HES5: variants seen among roughly 807,000 people sequenced by gnomAD.
The protein encoded by HES5 is transcription factor HES-5.
In HES5, 12 loss-of-function variants were observed where a neutral mutation model predicts 9.6. That is an observed-to-expected ratio of 1.25 (90% confidence interval 0.80 to 2.03). The LOEUF (loss-of-function observed/expected upper bound fraction) is 2.03, where lower values mean the gene tolerates loss of function less well. HES5 is among the 30% of genes most tolerant of loss of function. HES5 has a pLI of 0.00. For missense variants in HES5, 255 were observed against 218.6 expected, an observed-to-expected ratio of 1.17 and a Z score of -1.05; for synonymous variants, 131 against 102.4, an observed-to-expected ratio of 1.28 and a Z score of -1.69.
chr1:2,530,103 G>A lies in HES5; in HGVS notation c.54+8C>T, dbSNP rs374060024. Reference sequence around the variant, plus strand: ...GGGGACAGCGCGCCGGGCGAGTCTGGTACTTACTCGGTTTTTCTCTTTGGG... The same window carrying A: ...GGGGACAGCGCGCCGGGCGAGTCTGATACTTACTCGGTTTTTCTCTTTGGG... On this transcript the variant is annotated splice_region_variant and intron_variant, in intron 1 of 2. Transcript: ENST00000378453. 107 of 1,581,998 alleles carry A rather than the reference G, an allele frequency of 6.8e-5. No homozygotes were observed. Among genetic ancestry groups the A allele is most frequent in the Non-Finnish European group, 8.2e-5 (95 of 1,164,822 alleles).
Position 2,529,583 on chromosome 1 carries a change from G to A in HES5, c.387C>T (p.Pro129=), listed in dbSNP as rs1364268229. Residue 129 remains proline, a synonymous_variant, in exon 3 of 3, where the codon CCC becomes CCT. Coordinates refer to ENST00000378453, the MANE Select transcript of HES5 (RefSeq NM_001010926.4). This position sits in a 1 kb window ranked among gnomAD's most constrained non-coding sequence, Gnocchi z 4.5. ...CGCCCGGCGCCTTGGGCTCCTTGGCGGGCGCGGCGGGCGCGGCCGGGGGCC... is the reference window on the plus strand; with the variant it reads ...CGCCCGGCGCCTTGGGCTCCTTGGCAGGCGCGGCGGGCGCGGCCGGGGGCC... ...FQRPPAAPAA[P]AKEPKAPGAA... 1.4e-5 allele frequency: 16 copies of A among 1,150,812 alleles called. No individual in the cohort carries two copies. The East Asian group carries it at 7.3e-4, about 53-fold the overall frequency. 71.3% of individuals were successfully genotyped at this position (1,150,812 alleles called of 1,614,324 possible).
rs559739405 is a variant in HES5 at position 2,529,505 on chromosome 1, C to CGCGGCGGCG, written c.456_464dup (p.Ala153_Ala155dup). On this transcript the variant is annotated inframe_insertion, in exon 3 of 3. Coordinates refer to ENST00000378453, the MANE Select transcript of HES5 (RefSeq NM_001010926.4). This position sits in a 1 kb window ranked among gnomAD's most constrained non-coding sequence, Gnocchi z 4.5. ...GCCAGAGGCCGCAGGCGGGCTGGTG[C>CGCGGCGGCG]GCGGCGGCGGCGGCGGCGGTGGCCT... The CGCGGCGGCG allele has an allele frequency of 6.0e-5, 63 of 1,056,210 alleles. No individual in the cohort carries two copies. The highest frequency in any genetic ancestry group is 6.4e-5 in the Non-Finnish European group (56 of 876,686). 65.4% of individuals were successfully genotyped at this position (1,056,210 alleles called of 1,614,324 possible). A position where few individuals can be genotyped will look rare whatever the true frequency, so the allele number is the denominator to read the frequency against.
Position 2,529,619 on chromosome 1 carries a change from G to A in HES5, c.351C>T (p.Tyr117=). The A allele has an allele frequency of 7.7e-7, 1 of 1,292,432 alleles. No individual in the cohort carries two copies. Among genetic ancestry groups the A allele is most frequent in the Non-Finnish European group, 1.0e-6 (1 of 1,000,612 alleles). The allele number at this position is 1,292,432 out of a possible 1,614,324, so 80.1% of individuals were successfully genotyped here. A position where few individuals can be genotyped will look rare whatever the true frequency, so the allele number is the denominator to read the frequency against. Residue 117 remains tyrosine (Y), a synonymous_variant, in exon 3 of 3, where the codon TAC becomes TAT. Coordinates refer to ENST00000378453, the MANE Select transcript of HES5 (RefSeq NM_001010926.4). The surrounding 1 kb of genome is among the most constrained non-coding windows in gnomAD (Gnocchi z 4.5). ...GCGCGGCCGGGGGCCGCTGGAAGTG[G>A]TACAGCAGCTTCATCTGCGTGTCGC... ...AASDTQMKLL[Y]HFQRPPAAPA...
In HES5 at chr1:2,529,458, G is replaced by T. The variant is rs911724303; in HGVS notation, c.*11C>A. Reference sequence around the variant, plus strand: ...TGGTCGTCGGGCCGCGCGCCCGCAGGTCCCGCCGGGTCACCAGGGCCGCCA... The same window carrying T: ...TGGTCGTCGGGCCGCGCGCCCGCAGTTCCCGCCGGGTCACCAGGGCCGCCA... On this transcript the variant is annotated 3_prime_UTR_variant, in exon 3 of 3. Coordinates refer to ENST00000378453, the MANE Select transcript of HES5 (RefSeq NM_001010926.4). This position sits in a 1 kb window ranked among gnomAD's most constrained non-coding sequence, Gnocchi z 4.5. The T allele has an allele frequency of 2.8e-6, 3 of 1,063,056 alleles. No homozygotes were observed. Among genetic ancestry groups the T allele is most frequent in the African/African-American group, 3.4e-5 (2 of 58,964 alleles). 65.9% of individuals were successfully genotyped at this position (1,063,056 alleles called of 1,614,324 possible).
chr1:2,529,910 G>A lies in HES5; in HGVS notation c.156C>T (p.Pro52=), dbSNP rs774758190. ...LLEQEFARHQ[P]NSKLEKADIL... ...TGTCGGCCTTCTCCAGCTTGGAGTTGGGCTGGTGCCGCGCGAACTCCTGCT... is the reference window on the plus strand; with the variant it reads ...TGTCGGCCTTCTCCAGCTTGGAGTTAGGCTGGTGCCGCGCGAACTCCTGCT... Residue 52 remains proline, a synonymous_variant, in exon 2 of 3, where the codon CCC becomes CCT. Coordinates refer to ENST00000378453, the MANE Select transcript of HES5 (RefSeq NM_001010926.4). The surrounding 1 kb of genome is among the most constrained non-coding windows in gnomAD (Gnocchi z 4.5). The A allele has an allele frequency of 6.2e-7, 1 of 1,606,822 alleles. No individual in the cohort carries two copies. The highest frequency in any genetic ancestry group is 1.1e-5 in the South Asian group (1 of 89,956).
intron 1 of HES5, 36 bp from the exon 2 acceptor site, chr1:2,530,047 G>A (rs377674086): frequency 3.7e-6 from 6 of 1,601,898 alleles, no homozygotes; most frequent in Non-Finnish European, 5.1e-6. Flanking sequence ...GGCCCGGCAC[G>A]GCGCAGGGAC....
Position 2,529,984 on chromosome 1 carries a change from G to T in HES5, c.82C>A (p.Arg28Ser), listed in dbSNP as rs1333359977. Reference protein sequence around the residue: ...RLRKPVVEKMRRDRINSSIEQ... With the variant: ...RLRKPVVEKMSRDRINSSIEQ... ...ATGCTGCTGTTGATGCGGTCGCGGCGCATCTTCTCCACCACCGGCTTCCGC... is the reference window on the plus strand; with the variant it reads ...ATGCTGCTGTTGATGCGGTCGCGGCTCATCTTCTCCACCACCGGCTTCCGC... Residue 28 changes from arginine to serine, a missense_variant, in exon 2 of 3, where the codon CGC becomes AGC. Arg to Ser is a moderately radical substitution (Grantham distance 110). Transcript: ENST00000378453. The surrounding 1 kb of genome is among the most constrained non-coding windows in gnomAD (Gnocchi z 4.5). 6.2e-7 allele frequency: 1 copy of T among 1,607,910 alleles called. No homozygotes were observed. Among genetic ancestry groups the T allele is most frequent in the Non-Finnish European group, 8.5e-7 (1 of 1,176,914 alleles).
At position 2,530,022 on chromosome 1, in the gene HES5, AG is replaced by A. The variant is rs766093753; in HGVS notation, c.55-12del. On this transcript the variant is annotated splice_polypyrimidine_tract_variant and intron_variant, in intron 1 of 2. Coordinates refer to ENST00000378453, the MANE Select transcript of HES5 (RefSeq NM_001010926.4). ...CACCGGCTTCCGCAGCTGCGGGAGG[AG>A]GGGGTGTCAGGCTGGCCCGGCACGG... 73 of 1,601,892 alleles carry A rather than the reference AG, an allele frequency of 4.6e-5. No homozygotes were observed. The highest frequency in any genetic ancestry group is 5.9e-5 in the Non-Finnish European group (69 of 1,173,516).
chr1:2,530,044 C>T (rs748397118), intron 1 of HES5, 33 bp from the exon 2 acceptor site: 24 of 1,602,306 alleles, frequency 1.5e-5, no homozygotes, highest in African/African-American at 2.7e-5. Flanking sequence ...GCTGGCCCGG[C>T]ACGGCGCAGG....
In HES5 at chr1:2,529,812, G is replaced by C. The variant is rs1570561299; in HGVS notation, c.220+34C>G. The C allele has an allele frequency of 7.4e-7, 1 of 1,357,150 alleles. No individual in the cohort carries two copies. Among genetic ancestry groups the C allele is most frequent in the Non-Finnish European group, 9.6e-7 (1 of 1,039,528 alleles). The allele number at this position is 1,357,150 out of a possible 1,614,324, so 84.1% of individuals were successfully genotyped here. Reference sequence around the variant, plus strand: ...GCGCGGGGGAGCCGGGGCGCGGTGGGAACTCGGGGCGCGGGGGGCCCGGGC... The same window carrying C: ...GCGCGGGGGAGCCGGGGCGCGGTGGCAACTCGGGGCGCGGGGGGCCCGGGC... On this transcript the variant is annotated intron_variant, in intron 2 of 2. Transcript: ENST00000378453. This position sits in a 1 kb window ranked among gnomAD's most constrained non-coding sequence, Gnocchi z 4.5.
chr1:2,529,661 C>A lies in HES5; in HGVS notation c.309G>T (p.Leu103=). ...SWCLQEAVQF[L]TLHAASDTQM... The stretch of plus-strand genomic sequence containing the variant: ...GCGTGTCGCTGGCGGCGTGGAGCGT[C>A]AGGAACTGCACGGCCTCCTGCAGGC... The change falls in exon 3 of 3, where the codon CTG becomes CTT. Residue 103 remains leucine, a synonymous_variant. Transcript: ENST00000378453. This position sits in a 1 kb window ranked among gnomAD's most constrained non-coding sequence, Gnocchi z 4.5. The A allele has an allele frequency of 1.5e-6, 2 of 1,325,914 alleles. No individual in the cohort carries two copies. Among genetic ancestry groups the A allele is most frequent in the Non-Finnish European group, 2.0e-6 (2 of 1,019,832 alleles). The allele number at this position is 1,325,914 out of a possible 1,614,324, so 82.1% of individuals were successfully genotyped here.
At position 2,529,793 on chromosome 1, in the gene HES5, G is replaced by C. The variant is rs1213198965; in HGVS notation, c.221-44C>G. 1 of 1,283,526 alleles carries C rather than the reference G, an allele frequency of 7.8e-7. No homozygotes were observed. The highest frequency in any genetic ancestry group is 3.7e-5 in the Admixed American group (1 of 26,668). 79.5% of individuals were successfully genotyped at this position (1,283,526 alleles called of 1,614,324 possible). ...GCGGTGAGCGGGCGGCGGGGCGCGG[G>C]GGAGCCGGGGCGCGGTGGGAACTCG... On this transcript the variant is annotated intron_variant, in intron 2 of 2. Transcript: ENST00000378453. This position sits in a 1 kb window ranked among gnomAD's most constrained non-coding sequence, Gnocchi z 4.5.
Position 2,529,670 on chromosome 1 carries a change from C to T in HES5, c.300G>A (p.Val100=). The T allele has an allele frequency of 7.5e-7, 1 of 1,324,938 alleles. No individual in the cohort carries two copies. Among genetic ancestry groups the T allele is most frequent in the Non-Finnish European group, 9.8e-7 (1 of 1,019,878 alleles). The allele number at this position is 1,324,938 out of a possible 1,614,324, so 82.1% of individuals were successfully genotyped here. A position where few individuals can be genotyped will look rare whatever the true frequency, so the allele number is the denominator to read the frequency against. ...EGYSWCLQEA[V]QFLTLHAASD... is the part of the protein sequence containing the mutation. The stretch of plus-strand genomic sequence containing the variant: ...TGGCGGCGTGGAGCGTCAGGAACTG[C>T]ACGGCCTCCTGCAGGCACCACGAGT... The change falls in exon 3 of 3, where the codon GTG becomes GTA. Residue 100 remains valine, a synonymous_variant. Coordinates refer to ENST00000378453, the MANE Select transcript of HES5 (RefSeq NM_001010926.4). The surrounding 1 kb of genome is among the most constrained non-coding windows in gnomAD (Gnocchi z 4.5).
In HES5 at chr1:2,529,375, G is replaced by C. The variant is rs773599401; in HGVS notation, c.*94C>G. 3 of 992,714 alleles carry C rather than the reference G, an allele frequency of 3.0e-6. No homozygotes were observed. The highest frequency in any genetic ancestry group is 1.7e-5 in the African/African-American group (1 of 57,358). 61.5% of individuals were successfully genotyped at this position (992,714 alleles called of 1,614,324 possible). ...TCCGGAGAAGGGCGCGTCCAAGCCC[G>C]GGGCGGACGACGGCGGGAAGGCGCT... On this transcript the variant is annotated 3_prime_UTR_variant, in exon 3 of 3. Coordinates refer to ENST00000378453, the MANE Select transcript of HES5 (RefSeq NM_001010926.4). This position sits in a 1 kb window ranked among gnomAD's most constrained non-coding sequence, Gnocchi z 4.5.
At position 2,529,872 on chromosome 1, in the gene HES5, G is replaced by A; in HGVS notation, c.194C>T (p.Ala65Val). ...TTTGCTGTGCTTCAGGTAGCTGACAGCCATCTCCAGGATGTCGGCCTTCTC... is the reference window on the plus strand; with the variant it reads ...TTTGCTGTGCTTCAGGTAGCTGACAACCATCTCCAGGATGTCGGCCTTCTC... ...KLEKADILEM[A>V]VSYLKHSKAF... Residue 65 changes from alanine to valine, a missense_variant, in exon 2 of 3, where the codon GCT (alanine) becomes GTT (valine). Physicochemically the swap from Ala to Val is moderately conservative, Grantham distance 64 (BLOSUM62 0). Transcript: ENST00000378453. This position sits in a 1 kb window ranked among gnomAD's most constrained non-coding sequence, Gnocchi z 4.5. 6.3e-7 allele frequency: 1 copy of A among 1,598,928 alleles called. No individual in the cohort carries two copies. The highest frequency in any genetic ancestry group is 1.1e-5 in the South Asian group (1 of 88,762).
In HES5 at chr1:2,530,108, T is replaced by C. The variant is rs377502240; in HGVS notation, c.54+3A>G. ...CAGCGCGCCGGGCGAGTCTGGTACT[T>C]ACTCGGTTTTTCTCTTTGGGGCTGA... On this transcript the variant is annotated splice_donor_region_variant and intron_variant, in intron 1 of 2. Coordinates refer to ENST00000378453, the MANE Select transcript of HES5 (RefSeq NM_001010926.4). 3.3e-3 allele frequency: 5,151 copies of C among 1,577,316 alleles called. 5 individuals are homozygous for C. The highest frequency in any genetic ancestry group is 4.1e-3 in the Non-Finnish European group (4,780 of 1,162,302).
chr1:2,530,200 A>T lies in HES5; in HGVS notation c.-36T>A, dbSNP rs1212871951. ...GAACAGGCGACGAGGCGACGCGGGG[A>T]GGCCGGGCGAGACGAGGCGAGCGGG... On this transcript the variant is annotated 5_prime_UTR_variant, in exon 1 of 3. Transcript: ENST00000378453. The T allele has an allele frequency of 1.7e-5, 25 of 1,442,368 alleles. No homozygotes were observed. Among genetic ancestry groups the T allele is most frequent in the South Asian group, 1.7e-4 (12 of 70,710 alleles). 89.3% of individuals were successfully genotyped at this position (1,442,368 alleles called of 1,614,324 possible).
rs917570760 is a variant in HES5 at position 2,530,178 on chromosome 1, C to G, written c.-14G>C. 6.7e-7 allele frequency: 1 copy of G among 1,489,806 alleles called. No homozygotes were observed. 92.3% of individuals were successfully genotyped at this position (1,489,806 alleles called of 1,614,324 possible). On this transcript the variant is annotated 5_prime_UTR_variant, in exon 1 of 3. Coordinates refer to ENST00000378453, the MANE Select transcript of HES5 (RefSeq NM_001010926.4). ...GCTGGGGGCCATGCCTGGCGCGGAA[C>G]AGGCGACGAGGCGACGCGGGGAGGC...
At position 2,530,001 on chromosome 1, in the gene HES5, G is replaced by T; in HGVS notation, c.65C>A (p.Pro22Gln). Residue 22 changes from proline to glutamine, a missense_variant, in exon 2 of 3, where the codon CCG becomes CAG. Physicochemically the swap from Pro to Gln is moderately conservative, Grantham distance 76. Transcript: ENST00000378453. ...SPKEKNRLRK[P>Q]VVEKMRRDRI... ...GTCGCGGCGCATCTTCTCCACCACC[G>T]GCTTCCGCAGCTGCGGGAGGAGGGG... The T allele has an allele frequency of 6.2e-7, 1 of 1,603,372 alleles. No individual in the cohort carries two copies. Among genetic ancestry groups the T allele is most frequent in the Non-Finnish European group, 8.5e-7 (1 of 1,173,802 alleles).
Sources: allele counts gnomAD v4.1 joint callset, GRCh38; gene constraint gnomAD v4.1.1; non-coding constraint Gnocchi (gnomAD v3.1); transcripts MANE v1.5; gene names NCBI Gene and HGNC (gene_info 2026-07-23, HGNC 2026-07-21).